The following SUCLG2 variants were observed in gnomAD, a reference collection of about 807,000 sequenced individuals.
The protein encoded by SUCLG2 is succinate--CoA ligase [GDP-forming] subunit beta, mitochondrial.
In SUCLG2, 42 loss-of-function variants were observed where a neutral mutation model predicts 47.9. That is an observed-to-expected ratio of 0.88 (90% confidence interval 0.69 to 1.14). The LOEUF is 1.14. Ranked by LOEUF, SUCLG2 falls within the 50% of genes most tolerant of loss-of-function variation. The pLI, the probability that SUCLG2 is intolerant of heterozygous loss-of-function variation, is 0.00. For missense variants in SUCLG2, 571 were observed against 525.9 expected, an observed-to-expected ratio of 1.09 and a Z score of -0.84; for synonymous variants, 195 against 197.3, an observed-to-expected ratio of 0.99 and a Z score of 0.10.
At chr3:67,472,196 C>G (rs1704622046) in intron 9 of SUCLG2, among the ~76,000 whole-genome samples, 1 of 152,144 alleles carries the variant, frequency 6.6e-6, no homozygotes, top group Non-Finnish European at 1.5e-5. Flanking sequence ...ATTGTTAACA[C>G]AGTGATGTTC....
At chr3:67,400,901 T>G in intron 9 of SUCLG2, 50 bp from the exon 10 acceptor site, 2 of 1,607,226 alleles carry the variant, frequency 1.2e-6, no homozygotes, top group Non-Finnish European at 1.7e-6. Flanking sequence ...TCGCCAACAG[T>G]CTCAAAAATA....
intron 7 of SUCLG2, among the ~76,000 whole-genome samples, chr3:67,506,422 T>C (rs570938893): frequency 6.6e-6 from 1 of 152,296 alleles, no homozygotes; most frequent in African/African-American, 2.4e-5. Context: ...CTCTTAAAAA[T>C]ATCACATAAG....
intron 1 of SUCLG2, among the ~76,000 whole-genome samples, chr3:67,625,439 A>G (rs1283622331): frequency 6.6e-6 from 1 of 152,176 alleles, no homozygotes; most frequent in Non-Finnish European, 1.5e-5. Flanking sequence ...AATGCACCAC[A>G]GTGGGGATTT....
chr3:67,597,180 TGGACATAA>T (rs1408788221), intron 2 of SUCLG2, among the ~76,000 whole-genome samples: 1 of 152,186 alleles, frequency 6.6e-6, no homozygotes, highest in African/African-American at 2.4e-5. Context: ...AAGAGAACCC[TGGACATAA>T]GGCTGGCAAC....
intron 9 of SUCLG2, among the ~76,000 whole-genome samples, chr3:67,470,130 G>C (rs1431152349): frequency 6.6e-6 from 1 of 151,708 alleles, no homozygotes; most frequent in Non-Finnish European, 1.5e-5. Flanking sequence ...TTAATTGTAT[G>C]GTCTATACAT....
chr3:67,372,546 C>T (rs754055127), downstream of SUCLG2, among the ~76,000 whole-genome samples: 1 of 152,124 alleles, frequency 6.6e-6, no homozygotes, highest in South Asian at 2.1e-4. Flanking sequence ...TTCCAATGCA[C>T]CTGTGAGCAG....
At chr3:67,382,321 G>T (rs1303826735) in intron 10 of SUCLG2, among the ~76,000 whole-genome samples, 1 of 152,226 alleles carries the variant, frequency 6.6e-6, no homozygotes, top group Non-Finnish European at 1.5e-5. Context: ...GTCAGAGGCT[G>T]AGCCAGGACT....
Position 67,424,197 on chromosome 3 carries a change from T to A in SUCLG2, c.1063-23346A>T, listed in dbSNP as rs187261028. On this transcript the variant is annotated intron_variant, in intron 9 of 10. Transcript: ENST00000307227. ...AATAATCTTGTAATCCATTTAAACA[T>A]TTGTACATAATTCTTCAATCTCTGA... Among the ~76,000 whole-genome samples the A allele has an allele frequency of 9.8e-5, 15 of 152,308 alleles. No individual in the cohort carries two copies. The East Asian group carries it at 2.7e-3, about 27-fold the overall frequency.
At chr3:67,438,585 ACC>A (rs1703682042) in intron 9 of SUCLG2, among the ~76,000 whole-genome samples, 1 of 152,190 alleles carries the variant, frequency 6.6e-6, no homozygotes, top group Non-Finnish European at 1.5e-5. Context: ...AATACAAACT[ACC>A]ATCAGAGAAT....
At chr3:67,648,306 G>C (rs1187760875) in intron 1 of SUCLG2, among the ~76,000 whole-genome samples, 3 of 152,136 alleles carry the variant, frequency 2.0e-5, no homozygotes, top group Non-Finnish European at 4.4e-5. Context: ...CAGAGAGAGA[G>C]GAAGGTGGAT....
intron 10 of SUCLG2, among the ~76,000 whole-genome samples, chr3:67,393,090 C>A (rs969891321): frequency 6.6e-6 from 1 of 152,166 alleles, no homozygotes; most frequent in African/African-American, 2.4e-5. Context: ...CCAGCGTGAG[C>A]GACGCAGAAG....
At chr3:67,626,007 C>CAAATAT (rs1700821481) in intron 1 of SUCLG2, among the ~76,000 whole-genome samples, 1 of 138,554 alleles carries the variant, frequency 7.2e-6, no homozygotes. Flanking sequence ...GGAGTAGCTA[C>CAAATAT]ATATATATAT....
chr3:67,515,814 A>G (rs1178933518), intron 6 of SUCLG2, among the ~76,000 whole-genome samples: 8 of 152,112 alleles, frequency 5.3e-5, no homozygotes, highest in Admixed American at 5.2e-4. Context: ...GAGATTCCCA[A>G]GCCTACAACT....
chr3:67,654,043 G>A (rs1029677558), intron 1 of SUCLG2, among the ~76,000 whole-genome samples: 5 of 152,216 alleles, frequency 3.3e-5, no homozygotes, highest in African/African-American at 1.2e-4. Flanking sequence ...CACCCTAGGG[G>A]GTGAGTTCCT....
chr3:67,625,695 C>T (rs7644842), intron 1 of SUCLG2, among the ~76,000 whole-genome samples: 62,230 of 151,946 alleles, frequency 0.41, 13,107 homozygotes, highest in African/African-American at 0.49. Flanking sequence ...GGAAGTATAC[C>T]GATGGCCGGG....
chr3:67,579,240 T>A (rs986276744), intron 2 of SUCLG2, among the ~76,000 whole-genome samples: 3 of 152,174 alleles, frequency 2.0e-5, no homozygotes, highest in African/African-American at 7.2e-5. Flanking sequence ...ATTCACAATT[T>A]ATAAATCATG....
intron 9 of SUCLG2, among the ~76,000 whole-genome samples, chr3:67,411,667 G>A (rs1296954486): frequency 6.6e-6 from 1 of 152,074 alleles, no homozygotes; most frequent in Non-Finnish European, 1.5e-5. Context: ...GCAATTTACT[G>A]CCAAATTTCT....
In SUCLG2 at chr3:67,621,155, G is replaced by T. The variant is rs150167053; in HGVS notation, c.85-11559C>A. ...CCATCAATCATAAATAAATTAATAG[G>T]CATGGCTGTGTTCCAATAAAGCTTT... is the stretch of plus-strand genomic sequence containing the variant. On this transcript the variant is annotated intron_variant, in intron 1 of 10. Coordinates refer to ENST00000307227, the MANE Select transcript of SUCLG2 (RefSeq NM_003848.4). Among the ~76,000 whole-genome samples the T allele has an allele frequency of 3.2e-3, 480 of 152,192 alleles. 4 individuals carry two copies. The highest frequency in any genetic ancestry group is 0.011 in the African/African-American group (459 of 41,520).
At chr3:67,398,228 C>A (rs1575669667) in intron 10 of SUCLG2, among the ~76,000 whole-genome samples, 1 of 150,458 alleles carries the variant, frequency 6.6e-6, no homozygotes, top group Non-Finnish European at 1.5e-5. Context: ...TCAGAGTGAA[C>A]AGGCAATCTA....
Sources: gnomAD v4.1 joint callset for allele counts (sites outside exome capture counted in the v4.1 genomes callset) on GRCh38, gnomAD v4.1.1 for gene constraint, MANE v1.5 for transcripts, NCBI Gene and HGNC (gene_info 2026-07-23, HGNC 2026-07-21) for gene names.